Variants in CTNNA3 observed in about 807,000 individuals in gnomAD.
CTNNA3 encodes the protein catenin alpha-3.
A neutral mutation model predicts 95.7 loss-of-function variants in CTNNA3; 76 were observed. The observed-to-expected ratio is 0.79, with a 90% CI of 0.66 to 0.96. The LOEUF is 0.96. CTNNA3 is among the 40% of genes least tolerant of loss of function. The pLI, the probability that CTNNA3 is intolerant of heterozygous loss-of-function variation, is 0.00. For missense variants in CTNNA3, 1,191 were observed against 1,089.8 expected (o/e 1.09, Z -1.31); for synonymous variants, 431 against 374.4 (o/e 1.15, Z -1.74).
chr10:66,424,614 C>T (rs1236128386), intron 11 of CTNNA3, among the ~76,000 whole-genome samples: 4 of 151,790 alleles, frequency 2.6e-5, no homozygotes, highest in Non-Finnish European at 5.9e-5. Context: ...TTGCTGATAT[C>T]TAATTTAATT....
At chr10:66,452,039 C>A (rs1379711716) in intron 11 of CTNNA3, among the ~76,000 whole-genome samples, 2 of 152,106 alleles carry the variant, frequency 1.3e-5, no homozygotes, top group Non-Finnish European at 2.9e-5. Flanking sequence ...CTGGCCAGTT[C>A]TCCAGCCAAA....
intron 1 of CTNNA3, among the ~76,000 whole-genome samples, chr10:67,653,356 A>G (rs1278463260): frequency 6.6e-6 from 1 of 152,216 alleles, no homozygotes; most frequent in Admixed American, 6.5e-5. Flanking sequence ...ACAATTCTAC[A>G]TGAAACTTGG....
chr10:67,724,341 T>C (rs776059739), intron 1 of CTNNA3, among the ~76,000 whole-genome samples: 1 of 152,186 alleles, frequency 6.6e-6, no homozygotes, highest in South Asian at 2.1e-4. Context: ...CCCTGGTATA[T>C]GGTATCTCTC....
chr10:66,811,939 T>G (rs1841896962), intron 7 of CTNNA3, among the ~76,000 whole-genome samples: 1 of 152,180 alleles, frequency 6.6e-6, no homozygotes, highest in Admixed American at 6.6e-5. Context: ...ATACTATCGG[T>G]TTCATTCATG....
At chr10:65,985,802 A>G (rs1402506585) in intron 16 of CTNNA3, among the ~76,000 whole-genome samples, 1 of 151,578 alleles carries the variant, frequency 6.6e-6, no homozygotes, top group African/African-American at 2.4e-5. Context: ...AAAGAAATAT[A>G]GAGTATCCAA....
At chr10:66,506,056 C>T (rs1415464555) in intron 11 of CTNNA3, among the ~76,000 whole-genome samples, 1 of 152,088 alleles carries the variant, frequency 6.6e-6, no homozygotes, top group African/African-American at 2.4e-5. Context: ...TGATGGGGAG[C>T]CAGCATGTAG....
chr10:67,676,767 C>T (rs749312221), intron 1 of CTNNA3, among the ~76,000 whole-genome samples: 10 of 152,306 alleles, frequency 6.6e-5, no homozygotes, highest in Non-Finnish European at 1.0e-4. Flanking sequence ...TGATTTAAGA[C>T]AAGCATACCA....
At chr10:66,141,597 T>C (rs537339056) in intron 13 of CTNNA3, among the ~76,000 whole-genome samples, 1 of 152,272 alleles carries the variant, frequency 6.6e-6, no homozygotes, top group South Asian at 2.1e-4. Context: ...CCTCAACATA[T>C]TTAAGTGAGA....
chr10:66,143,214 T>G (rs557307647), intron 13 of CTNNA3, among the ~76,000 whole-genome samples: 1 of 152,172 alleles, frequency 6.6e-6, no homozygotes, highest in East Asian at 1.9e-4. Flanking sequence ...CAAAATATGC[T>G]TACAGTACCA....
At chr10:67,052,906 A>G (rs1484543588) in intron 7 of CTNNA3, among the ~76,000 whole-genome samples, 1 of 152,228 alleles carries the variant, frequency 6.6e-6, no homozygotes, top group East Asian at 1.9e-4. Flanking sequence ...ATACAGCTGA[A>G]GCAATAATAG....
intron 15 of CTNNA3, among the ~76,000 whole-genome samples, chr10:65,994,191 T>C (rs1262799898): frequency 1.3e-5 from 2 of 152,230 alleles, no homozygotes; most frequent in African/African-American, 4.8e-5. Context: ...TTTTCTGTAG[T>C]TGTACCATTT....
At chr10:67,297,456 C>T (rs1413228519) in intron 5 of CTNNA3, among the ~76,000 whole-genome samples, 1 of 152,178 alleles carries the variant, frequency 6.6e-6, no homozygotes, top group Non-Finnish European at 1.5e-5. Context: ...ATTTCCCTTC[C>T]CACTGTCTTT....
At chr10:67,512,009 G>T (rs964265652) in intron 5 of CTNNA3, among the ~76,000 whole-genome samples, 1 of 152,104 alleles carries the variant, frequency 6.6e-6, no homozygotes, top group Non-Finnish European at 1.5e-5. Flanking sequence ...TTCTCTGATG[G>T]TAGTTTTTAT....
At chr10:66,965,484 G>A (rs1362431425) in intron 7 of CTNNA3, among the ~76,000 whole-genome samples, 20 of 150,082 alleles carry the variant, frequency 1.3e-4, no homozygotes, top group African/African-American at 4.2e-4. Context: ...GCAGTGAGCC[G>A]AGATCGCACC....
At chr10:66,955,175 T>A (rs1259051663) in intron 7 of CTNNA3, among the ~76,000 whole-genome samples, 3 of 152,164 alleles carry the variant, frequency 2.0e-5, no homozygotes, top group African/African-American at 7.2e-5. Context: ...CTGAGTATTG[T>A]TTCCCTGAAA....
intron 12 of CTNNA3, among the ~76,000 whole-genome samples, chr10:66,304,499 T>A (rs897029684): frequency 2.0e-5 from 3 of 152,036 alleles, no homozygotes; most frequent in Non-Finnish European, 4.4e-5. Flanking sequence ...AAAAAGAGGA[T>A]GAGAATGAAC....
intron 5 of CTNNA3, among the ~76,000 whole-genome samples, chr10:67,236,135 A>G (rs373012086): frequency 0.024 from 3,448 of 146,058 alleles, 77 homozygotes; most frequent in Middle Eastern, 0.056. Flanking sequence ...TAGAAATACC[A>G]TTTGACCCAG....
At chr10:66,090,427 TA>T (rs756036129) in intron 14 of CTNNA3, among the ~76,000 whole-genome samples, 2 of 152,062 alleles carry the variant, frequency 1.3e-5, no homozygotes, top group Non-Finnish European at 2.9e-5. Context: ...TGATGACAGA[TA>T]TTTTTTATCA....
chr10:66,042,899 CAAAAAAAAAAAA>C lies in CTNNA3; in HGVS notation c.2159+26397_2159+26408del, dbSNP rs60090636. Among the ~76,000 whole-genome samples the C allele has an allele frequency of 7.0e-3, 353 of 50,430 alleles. 2 individuals are homozygous for C. The highest frequency in any genetic ancestry group is 0.014 in the African/African-American group (156 of 11,528). The allele number at this position is 50,430 out of a possible 152,430, so 33.1% of individuals were successfully genotyped here. A position where few individuals can be genotyped will look rare whatever the true frequency, so the allele number is the denominator to read the frequency against. ...TGGGTGACTGAGCGAGACTCTGTCT[CAAAAAAAAAAAA>C]AAAAAAAAAAAAAAAAAAGAAAATA... On this transcript the variant is annotated intron_variant, in intron 15 of 17. Coordinates refer to ENST00000433211, the MANE Select transcript of CTNNA3 (RefSeq NM_013266.4).
Sources: allele counts gnomAD v4.1 joint callset (sites outside exome capture counted in the v4.1 genomes callset), GRCh38; gene constraint gnomAD v4.1.1; transcripts MANE v1.5; gene names NCBI Gene and HGNC (gene_info 2026-07-23, HGNC 2026-07-21).